ST7: variants seen among roughly 807,000 people sequenced by gnomAD.
ST7 encodes the protein suppression of tumorigenicity 7, also known as suppressor of tumorigenicity 7 protein.
Under a neutral mutation model 78.7 loss-of-function variants are expected in ST7, and 28 were observed. That is an observed-to-expected ratio of 0.36 (90% CI 0.26 to 0.49). The LOEUF (loss-of-function observed/expected upper bound fraction) is 0.49. Ranked by LOEUF, ST7 falls within the 20% of genes least tolerant of loss-of-function variation. ST7 has a pLI of 0.99. For missense variants in ST7, 418 were observed against 696.0 expected (o/e 0.60, Z 4.49); for synonymous variants, 247 against 249.6 (o/e 0.99, Z 0.10).
At chr7:117,129,116 G>A (rs543684083) in intron 3 of ST7, among the ~76,000 whole-genome samples, 24 of 151,730 alleles carry the variant, frequency 1.6e-4, no homozygotes, top group Non-Finnish European at 2.9e-4. Flanking sequence ...TGTGGTCCTG[G>A]TATAATAAAG....
chr7:117,038,420 A>G (rs1429673817), intron 1 of ST7, among the ~76,000 whole-genome samples: 1 of 152,088 alleles, frequency 6.6e-6, no homozygotes, highest in Non-Finnish European at 1.5e-5. Flanking sequence ...TTCATTGTGG[A>G]TGTCTTAATA....
chr7:117,061,236 G>A (rs1446474309), intron 1 of ST7, among the ~76,000 whole-genome samples: 2 of 152,142 alleles, frequency 1.3e-5, no homozygotes, highest in East Asian at 3.8e-4. Flanking sequence ...GGGCTGTGGG[G>A]AATCAGATTG....
At chr7:116,999,005 T>G (rs1335219515) in intron 1 of ST7, among the ~76,000 whole-genome samples, 3 of 152,232 alleles carry the variant, frequency 2.0e-5, no homozygotes, top group South Asian at 2.1e-4. Flanking sequence ...CTAGGCATTT[T>G]GCATGATAAT....
intron 1 of ST7, among the ~76,000 whole-genome samples, chr7:116,983,056 G>A (rs1038486790): frequency 6.6e-6 from 1 of 152,072 alleles, no homozygotes; most frequent in East Asian, 1.9e-4. Context: ...ATGCCACCAC[G>A]CCTGGCTAAT....
chr7:117,155,235 TG>T (rs1377943943), intron 9 of ST7, among the ~76,000 whole-genome samples: 1 of 151,990 alleles, frequency 6.6e-6, no homozygotes, highest in Non-Finnish European at 1.5e-5. Context: ...GTCCTGAAGC[TG>T]GGAAGAGTTT....
At chr7:117,072,729 A>T (rs927343859) in intron 1 of ST7, 1 of 152,172 alleles carries the variant, frequency 6.6e-6, no homozygotes, top group Non-Finnish European at 1.5e-5. Context: ...ATTACCACCT[A>T]TTGAGCGAGT....
intron 1 of ST7, among the ~76,000 whole-genome samples, chr7:117,006,359 T>TTA (rs1795158097): frequency 1.3e-5 from 2 of 152,220 alleles, no homozygotes; most frequent in African/African-American, 2.4e-5. Flanking sequence ...CTACCTATTC[T>TTA]GAATGGTTTG....
intron 1 of ST7, among the ~76,000 whole-genome samples, chr7:116,963,908 G>A (rs576884040): frequency 6.6e-6 from 1 of 152,232 alleles, no homozygotes; most frequent in East Asian, 1.9e-4. Context: ...TGCGACTTTG[G>A]TTCTTAAGTT....
At chr7:117,221,760 G>C (rs116614273) in intron 14 of ST7, among the ~76,000 whole-genome samples, 163 bp from the exon 15 acceptor site, 1 of 152,098 alleles carries the variant, frequency 6.6e-6, no homozygotes, top group Non-Finnish European at 1.5e-5. Context: ...GCCTCCAAAG[G>C]CTGGGTCAGA....
At chr7:117,100,049 T>A (rs1031616632) in intron 2 of ST7, among the ~76,000 whole-genome samples, 5 of 152,156 alleles carry the variant, frequency 3.3e-5, no homozygotes, top group African/African-American at 1.2e-4. Context: ...ATTTAAGCAA[T>A]CGTATATTAC....
intron 1 of ST7, among the ~76,000 whole-genome samples, chr7:117,002,639 CTGTGTGTGTG>C (rs140099821): frequency 1.4e-5 from 2 of 145,830 alleles, no homozygotes; most frequent in African/African-American, 2.5e-5. Context: ...GTAGTTGAGG[CTGTGTGTGTG>C]TGTGTGTGTG....
chr7:117,170,466 A>C (rs899263431), intron 9 of ST7, among the ~76,000 whole-genome samples: 1 of 152,184 alleles, frequency 6.6e-6, no homozygotes, highest in African/African-American at 2.4e-5. Context: ...GCAGATCATG[A>C]GGTCAGGAGA....
At chr7:117,115,975 T>G (rs767322150) in intron 2 of ST7, among the ~76,000 whole-genome samples, 34 of 152,112 alleles carry the variant, frequency 2.2e-4, no homozygotes, top group Non-Finnish European at 4.1e-4. Flanking sequence ...AACTGAATGC[T>G]TACAGTGATC....
chr7:116,974,713 C>T (rs1029126916), intron 1 of ST7, among the ~76,000 whole-genome samples: 3 of 152,162 alleles, frequency 2.0e-5, no homozygotes, highest in African/African-American at 7.2e-5. Flanking sequence ...GTTTTGCATT[C>T]ATGATGACAG....
chr7:117,173,316 G>T (rs908548261), intron 10 of ST7: 1 of 152,190 alleles, frequency 6.6e-6, no homozygotes, highest in Non-Finnish European at 1.5e-5. Context: ...ACCTAACACC[G>T]ACTGAATTCT....
Position 117,130,456 on chromosome 7 carries a change from CA to C in ST7, c.450-31del, listed in dbSNP as rs1331457791. The C allele has an allele frequency of 2.0e-6, 3 of 1,514,494 alleles. No homozygotes were observed. The South Asian group carries it at 3.4e-5, about 17-fold the overall frequency. 93.8% of individuals were successfully genotyped at this position (1,514,494 alleles called of 1,614,324 possible). A position where few individuals can be genotyped will look rare whatever the true frequency, so the allele number is the denominator to read the frequency against. On this transcript the variant is annotated intron_variant, in intron 4 of 15. Coordinates refer to ENST00000323984, the MANE Select transcript of ST7 (RefSeq NM_001369598.1). Reference sequence around the variant, plus strand: ...TTTTATAGGTCTTGCTTTTCTCTCTCAAAAGTGTCTAATCATCTTATTTCTC... The same window carrying C: ...TTTTATAGGTCTTGCTTTTCTCTCTCAAAGTGTCTAATCATCTTATTTCTC...
intron 13 of ST7, among the ~76,000 whole-genome samples, chr7:117,211,867 G>T (rs1792326005): frequency 6.6e-6 from 1 of 152,126 alleles, no homozygotes; most frequent in Admixed American, 6.6e-5. Flanking sequence ...GTTGTATGGG[G>T]ATTTAATTTT....
Position 117,160,164 on chromosome 7 carries a change from C to T in ST7, c.964-10698C>T, listed in dbSNP as rs531407788. On this transcript the variant is annotated intron_variant, in intron 9 of 15. Transcript: ENST00000323984. Reference sequence around the variant, plus strand: ...AGGAGTATCACTTGAACCCAGGAGGCGGAGGTTGCAGTGAGCCAAGATTGC... The same window carrying T: ...AGGAGTATCACTTGAACCCAGGAGGTGGAGGTTGCAGTGAGCCAAGATTGC... Among the ~76,000 whole-genome samples the T allele has an allele frequency of 4.7e-5, 7 of 148,780 alleles. No individual in the cohort carries two copies. The East Asian group carries it at 1.2e-3, about 25-fold the overall frequency.
intron 1 of ST7, among the ~76,000 whole-genome samples, chr7:117,006,572 A>G (rs949069402): frequency 6.6e-6 from 1 of 152,380 alleles, no homozygotes; most frequent in Non-Finnish European, 1.5e-5. Flanking sequence ...ATGTAAGAAC[A>G]GAAATATACC....
Sources: allele counts gnomAD v4.1 joint callset (sites outside exome capture counted in the v4.1 genomes callset), GRCh38; gene constraint gnomAD v4.1.1; transcripts MANE v1.5; gene names NCBI Gene and HGNC (gene_info 2026-07-23, HGNC 2026-07-21).